Variants in TRAF6 observed in about 807,000 individuals in gnomAD.
The protein encoded by TRAF6 is TNF receptor associated factor 6, also known as TNF receptor-associated factor 6.
TRAF6 carries 10 observed loss-of-function variants against 48.4 expected under a neutral mutation model. The ratio of observed to expected loss-of-function variants is 0.21; its 90% CI spans 0.13 to 0.35. The LOEUF is 0.35. Ranked by LOEUF, TRAF6 falls within the 10% of genes least tolerant of loss-of-function variation. The pLI, the probability that TRAF6 is intolerant of heterozygous loss-of-function variation, is 1.00. For synonymous variants in TRAF6, 186 were observed against 219.6 expected, an observed-to-expected ratio of 0.85 and a Z score of 1.35; for missense variants, 397 against 661.0, an observed-to-expected ratio of 0.60 and a Z score of 4.38.
At chr11:36,505,597 C>T (rs1369924315) in intron 1 of TRAF6, among the ~76,000 whole-genome samples, 1 of 152,198 alleles carries the variant, frequency 6.6e-6, no homozygotes, top group African/African-American at 2.4e-5. Context: ...GTTTCACTTT[C>T]TTATTAGTGA....
intron 5 of TRAF6, 48 bp downstream of exon 5, chr11:36,494,928 T>C: frequency 7.5e-7 from 1 of 1,334,566 alleles, no homozygotes; most frequent in South Asian, 1.3e-5. Context: ...CCTAATTCAC[T>C]TCTTTAAGCT....
At position 36,489,474 on chromosome 11, in the gene TRAF6, AAAAT is replaced by A; in HGVS notation, c.*360_*363del. The A allele has an allele frequency of 4.9e-6, 1 of 204,426 alleles. No individual in the cohort carries two copies. The allele number at this position is 204,426 out of a possible 1,614,324, so 12.7% of individuals were successfully genotyped here. On this transcript the variant is annotated 3_prime_UTR_variant, in exon 7 of 7. Transcript: ENST00000526995. ...CTACAAAAAGACTGAAGTTTTAAGG[AAAAT>A]CCATTATTATTAAAAGTTTAGTACT...
In TRAF6 at chr11:36,484,076, A is replaced by T. The variant is rs936759278; in HGVS notation, c.*5762T>A. On this transcript the variant is annotated 3_prime_UTR_variant, in exon 7 of 7. Coordinates refer to ENST00000526995, the MANE Select transcript of TRAF6 (RefSeq NM_004620.4). ...CTACTTACTAAAATGGAGTCCTTCA[A>T]TCTTAAGTCAGCCCAGCAATTCAGT... is the stretch of plus-strand genomic sequence containing the variant. Among the ~76,000 whole-genome samples the T allele has an allele frequency of 2.0e-5, 3 of 152,152 alleles. No homozygotes were observed. The highest frequency in any genetic ancestry group is 7.2e-5 in the African/African-American group (3 of 41,436).
At position 36,490,629 on chromosome 11, in the gene TRAF6, G is replaced by T. The variant is rs771879519; in HGVS notation, c.778C>A (p.Arg260Ser). Residue 260 changes from arginine to serine, a missense_variant, in exon 7 of 7, where the codon CGC (arginine) becomes AGC (serine). Arg to Ser is a moderately radical substitution (Grantham distance 110). Transcript: ENST00000526995. The surrounding 1 kb of genome is among the most constrained non-coding windows in gnomAD (Gnocchi z 6.4). ...GACTGGGTGTTCTCTTGTAGGTGGC[G>T]TGCCAAGTGATTCCTCTGCATCTAA... ...HEKMQRNHLA[R>S]HLQENTQSHM... 1 of 1,609,406 alleles carries T rather than the reference G, an allele frequency of 6.2e-7. No homozygotes were observed. Among genetic ancestry groups the T allele is most frequent in the Non-Finnish European group, 8.5e-7 (1 of 1,176,370 alleles).
At chr11:36,506,198 T>C (rs1283293928) in intron 1 of TRAF6, among the ~76,000 whole-genome samples, 1 of 151,970 alleles carries the variant, frequency 6.6e-6, no homozygotes, top group Non-Finnish European at 1.5e-5. Context: ...AAATGAGGTA[T>C]ATCTGTACAT....
chr11:36,487,350 T>TAAAA lies in TRAF6; in HGVS notation c.*2484_*2487dup, dbSNP rs1449003591. ...GGTTAAGGCTTAATTCTGATTGAAG[T>TAAAA]AAAAAGTTTTCTATTTGGAATGACA... On this transcript the variant is annotated 3_prime_UTR_variant, in exon 7 of 7. Coordinates refer to ENST00000526995, the MANE Select transcript of TRAF6 (RefSeq NM_004620.4). The TAAAA allele has an allele frequency of 6.6e-6, 1 of 152,192 alleles. No individual in the cohort carries two copies. Among genetic ancestry groups the TAAAA allele is most frequent in the Non-Finnish European group, 1.5e-5 (1 of 68,030 alleles). The allele number at this position is 152,192 out of a possible 1,614,324, so 9.4% of individuals were successfully genotyped here. A position where few individuals can be genotyped will look rare whatever the true frequency, so the allele number is the denominator to read the frequency against.
rs987942071 is a variant in TRAF6 at position 36,496,983 on chromosome 11, C to G, written c.606+125G>C. 4 of 1,024,586 alleles carry G rather than the reference C, an allele frequency of 3.9e-6. No individual in the cohort carries two copies. In the African/African-American group the frequency reaches 6.7e-5, roughly 17 times the overall value. 63.5% of individuals were successfully genotyped at this position (1,024,586 alleles called of 1,614,324 possible). On this transcript the variant is annotated intron_variant, in intron 4 of 6. Transcript: ENST00000526995. ...TCTTTTTCTTAAAAATCATTTTTCC[C>G]AAAATTGATAATGTAGACTCAGAGT...
intron 1 of TRAF6, among the ~76,000 whole-genome samples, chr11:36,505,018 A>T (rs1425901884): frequency 4.6e-5 from 7 of 152,214 alleles, no homozygotes; most frequent in African/African-American, 1.7e-4. Context: ...GCTGTCATCC[A>T]GGCTTTGTTG....
At chr11:36,496,187 A>G (rs1210542082) in intron 4 of TRAF6, among the ~76,000 whole-genome samples, 3 of 152,204 alleles carry the variant, frequency 2.0e-5, no homozygotes, top group African/African-American at 7.2e-5. Flanking sequence ...TTTATTGGCA[A>G]TATTAATACA....
chr11:36,493,864 A>G (rs1484659259), intron 5 of TRAF6, among the ~76,000 whole-genome samples: 1 of 152,248 alleles, frequency 6.6e-6, no homozygotes, highest in Non-Finnish European at 1.5e-5. Flanking sequence ...TAACAAACCA[A>G]TGAAAAAGTT....
chr11:36,506,560 T>C (rs1056923646), intron 1 of TRAF6, among the ~76,000 whole-genome samples: 1 of 152,140 alleles, frequency 6.6e-6, no homozygotes, highest in Non-Finnish European at 1.5e-5. Context: ...AAATGTCCAG[T>C]TTAAAATATA....
Position 36,483,983 on chromosome 11 carries a change from T to C in TRAF6, c.*5855A>G, listed in dbSNP as rs898823694. On this transcript the variant is annotated 3_prime_UTR_variant, in exon 7 of 7. Transcript: ENST00000526995. ...CTGAGACATGACATAAAGTTAAAAC[T>C]CCAGGTGCCTTTTTGAGATAAGTGT... 6.6e-6 allele frequency among the ~76,000 whole-genome samples: 1 copy of C among 152,168 alleles called. No homozygotes were observed. Among genetic ancestry groups the C allele is most frequent in the East Asian group, 1.9e-4 (1 of 5,188 alleles).
Position 36,490,172 on chromosome 11 carries a change from T to C in TRAF6, c.1235A>G (p.His412Arg). The C allele has an allele frequency of 6.2e-7, 1 of 1,614,142 alleles. No homozygotes were observed. The highest frequency in any genetic ancestry group is 8.5e-7 in the Non-Finnish European group (1 of 1,180,028). Residue 412 changes from histidine (H) to arginine (R), a missense_variant, in exon 7 of 7, where the codon CAC (histidine) becomes CGC (arginine). His to Arg is a conservative substitution (Grantham distance 29). Transcript: ENST00000526995. This position sits in a 1 kb window ranked among gnomAD's most constrained non-coding sequence, Gnocchi z 6.4. Reference sequence around the variant, plus strand: ...GCTGTCATATTCTCCTTGCATTGTGTGGACAAAAAGGGATATATAGTTTGC... The same window carrying C: ...GCTGTCATATTCTCCTTGCATTGTGCGGACAAAAAGGGATATATAGTTTGC... ...RCANYISLFVHTMQGEYDSHL... is the reference protein window; with the variant it reads ...RCANYISLFVRTMQGEYDSHL...
chr11:36,498,426 A>G (rs1480971638), intron 3 of TRAF6, 64 bp downstream of exon 3: 2 of 1,486,190 alleles, frequency 1.3e-6, no homozygotes, highest in African/African-American at 2.8e-5. Flanking sequence ...GACACAGCAA[A>G]GTCCCTATTC....
rs951824901 is a variant in TRAF6 at position 36,488,427 on chromosome 11, T to C, written c.*1411A>G. ...GGCTTTCTCTTGAAATTAAGGCTGA[T>C]CTAGAACGCTGGCTGGCGACTCTGA... On this transcript the variant is annotated 3_prime_UTR_variant, in exon 7 of 7. Transcript: ENST00000526995. 6.5e-6 allele frequency: 1 copy of C among 152,908 alleles called. No homozygotes were observed. Among genetic ancestry groups the C allele is most frequent in the African/African-American group, 2.4e-5 (1 of 41,390 alleles). The allele number at this position is 152,908 out of a possible 1,614,324, so 9.5% of individuals were successfully genotyped here.
intron 6 of TRAF6, 78 bp downstream of exon 6, chr11:36,492,473 T>C (rs1004677950): frequency 3.5e-6 from 4 of 1,151,088 alleles, no homozygotes; most frequent in African/African-American, 3.2e-5. Context: ...ATCTACATTC[T>C]TGTTGTTATT....
chr11:36,484,095 A>G lies in TRAF6; in HGVS notation c.*5743T>C, dbSNP rs1180257583. ...CCTTCAATCTTAAGTCAGCCCAGCAATTCAGTTGTATTGACCTGATGGAGG... is the reference window on the plus strand; with the variant it reads ...CCTTCAATCTTAAGTCAGCCCAGCAGTTCAGTTGTATTGACCTGATGGAGG... On this transcript the variant is annotated 3_prime_UTR_variant, in exon 7 of 7. Coordinates refer to ENST00000526995, the MANE Select transcript of TRAF6 (RefSeq NM_004620.4). Among the ~76,000 whole-genome samples, 2 of 152,176 alleles carry G rather than the reference A, an allele frequency of 1.3e-5. No individual in the cohort carries two copies. The highest frequency in any genetic ancestry group is 2.9e-5 in the Non-Finnish European group (2 of 68,034).
At chr11:36,508,300 A>G (rs566550166) in intron 1 of TRAF6, among the ~76,000 whole-genome samples, 190 of 152,044 alleles carry the variant, frequency 1.2e-3, no homozygotes, top group Middle Eastern at 3.4e-3. Context: ...ATCTAGTATG[A>G]TAAGCACTAC....
At chr11:36,492,051 C>A (rs945426529) in intron 6 of TRAF6, among the ~76,000 whole-genome samples, 5 of 152,216 alleles carry the variant, frequency 3.3e-5, no homozygotes, top group African/African-American at 1.2e-4. Context: ...CTTCACTCAT[C>A]ACATTTATTT....
Sources: gnomAD v4.1 joint callset for allele counts (sites outside exome capture counted in the v4.1 genomes callset) on GRCh38, gnomAD v4.1.1 for gene constraint, Gnocchi (gnomAD v3.1) non-coding constraint, MANE v1.5 for transcripts, NCBI Gene and HGNC (gene_info 2026-07-23, HGNC 2026-07-21) for gene names.